Variants in NELL2 observed in about 807,000 individuals in gnomAD.
The protein encoded by NELL2 is neural EGFL like 2.
NELL2 carries 41 observed loss-of-function variants against 109.6 expected under a neutral mutation model. The observed-to-expected ratio is 0.37, with a 90% CI of 0.29 to 0.49. The LOEUF is 0.49. Ranked by LOEUF, NELL2 falls within the 20% of genes least tolerant of loss-of-function variation. NELL2 has a pLI of 0.98. For synonymous variants in NELL2, 355 were observed against 344.7 expected, an observed-to-expected ratio of 1.03 and a Z score of -0.33; for missense variants, 900 against 1,008.3, an observed-to-expected ratio of 0.89 and a Z score of 1.45.
At chr12:44,837,705 A>G (rs1214412106) in intron 2 of NELL2, among the ~76,000 whole-genome samples, 1 of 151,890 alleles carries the variant, frequency 6.6e-6, no homozygotes, top group Admixed American at 6.6e-5. Context: ...TTTTTTCTTA[A>G]GTTGATTCAT....
chr12:44,804,069 G>A (rs1942920822), intron 3 of NELL2, among the ~76,000 whole-genome samples: 4 of 151,828 alleles, frequency 2.6e-5, no homozygotes, highest in Non-Finnish European at 1.5e-5. Context: ...GTGCTGCTCA[G>A]ACTATTTCTA....
rs1592696109 is a variant in NELL2, at chr12:44,876,180, C to T, written c.-311G>A. ...GCGCGGCTCCGTCGGGGAATTAGCT[C>T]CCGAGCCGAATAAAAGCAGCCAAAG... On this transcript the variant is annotated 5_prime_UTR_variant, in exon 1 of 20. Coordinates refer to ENST00000429094, the MANE Select transcript of NELL2 (RefSeq NM_001145108.2). 2 of 1,245,694 alleles carry T rather than the reference C, an allele frequency of 1.6e-6. No homozygotes were observed. Among genetic ancestry groups the T allele is most frequent in the East Asian group, 7.3e-5 (2 of 27,276 alleles). The allele number at this position is 1,245,694 out of a possible 1,614,324, so 77.2% of individuals were successfully genotyped here.
chr12:44,590,434 C>T (rs886763565), intron 15 of NELL2, among the ~76,000 whole-genome samples: 1 of 152,062 alleles, frequency 6.6e-6, no homozygotes, highest in East Asian at 1.9e-4. Flanking sequence ...GAGATCTAGT[C>T]CATACAGGTT....
intron 15 of NELL2, among the ~76,000 whole-genome samples, chr12:44,584,099 C>T (rs1944417479): frequency 6.6e-6 from 1 of 152,120 alleles, no homozygotes. Context: ...TTAAGAATGC[C>T]TTTGTCATCT....
chr12:44,716,014 G>A lies in NELL2; in HGVS notation c.995-1273C>T, dbSNP rs1033636768. On this transcript the variant is annotated intron_variant, in intron 9 of 19. Transcript: ENST00000429094. ...AGGGTCTTGCTGTGTTGCCCACGAT[G>A]GTCTCAAACTCCTGTCCTTAAGTGG... Among the ~76,000 whole-genome samples the A allele has an allele frequency of 3.3e-5, 5 of 151,680 alleles. No individual in the cohort carries two copies. In the East Asian group the frequency reaches 9.7e-4, roughly 29 times the overall value.
Position 44,774,863 on chromosome 12 carries a change from A to C in NELL2, c.892-14T>G. 6.4e-7 allele frequency: 1 copy of C among 1,571,072 alleles called. No homozygotes were observed. The highest frequency in any genetic ancestry group is 1.4e-5 in the African/African-American group (1 of 73,658). On this transcript the variant is annotated splice_polypyrimidine_tract_variant and intron_variant, in intron 8 of 19. Coordinates refer to ENST00000429094, the MANE Select transcript of NELL2 (RefSeq NM_001145108.2). ...GATGGTTCCATTCTGAAAAGGAAAC[A>C]ATATTTAAAGAATTTCCATGTTAGA...
intron 15 of NELL2, among the ~76,000 whole-genome samples, chr12:44,554,545 G>A (rs1943166276): frequency 2.0e-5 from 3 of 152,132 alleles, no homozygotes; most frequent in African/African-American, 4.8e-5. Flanking sequence ...TGATGATTCC[G>A]TGGATGTATA....
intron 1 of NELL2, among the ~76,000 whole-genome samples, chr12:44,900,164 G>GAGACT (rs1174441091): frequency 6.6e-6 from 1 of 152,102 alleles, no homozygotes; most frequent in Non-Finnish European, 1.5e-5. Context: ...ATAATAGTGG[G>GAGACT]AGACTGTAAC....
intron 3 of NELL2, among the ~76,000 whole-genome samples, chr12:44,782,378 A>T (rs972556286): frequency 2.0e-5 from 3 of 152,008 alleles, no homozygotes; most frequent in African/African-American, 7.2e-5. Context: ...AATAAAAAAT[A>T]AAGTGGCAGA....
chr12:44,652,376 T>C (rs1947331451), intron 13 of NELL2, among the ~76,000 whole-genome samples: 1 of 152,206 alleles, frequency 6.6e-6, no homozygotes, highest in Non-Finnish European at 1.5e-5. Context: ...GATTTTGTGT[T>C]TGTGTGTTTG....
At chr12:44,729,805 CT>C (rs1939277028) in intron 9 of NELL2, among the ~76,000 whole-genome samples, 1 of 150,892 alleles carries the variant, frequency 6.6e-6, no homozygotes, top group South Asian at 2.1e-4. Flanking sequence ...TTTATTTATT[CT>C]GTTTTGAGAT....
At chr12:44,547,605 T>C (rs1942851634) in intron 15 of NELL2, among the ~76,000 whole-genome samples, 1 of 152,230 alleles carries the variant, frequency 6.6e-6, no homozygotes, top group South Asian at 2.1e-4. Flanking sequence ...TTTTTTAATT[T>C]AAAAAGATTT....
intron 3 of NELL2, among the ~76,000 whole-genome samples, chr12:44,786,672 T>C (rs986875813): frequency 3.9e-5 from 6 of 152,182 alleles, no homozygotes. Context: ...GTGGCATATA[T>C]ACACCACGGA....
chr12:44,517,401 CTCTCTCT>C (rs1280867223), intron 19 of NELL2, among the ~76,000 whole-genome samples: 1 of 151,302 alleles, frequency 6.6e-6, no homozygotes, highest in Admixed American at 6.6e-5. Context: ...CTCTCTCTCT[CTCTCTCT>C]CTCTCTCTCT....
intron 19 of NELL2, 45 bp downstream of exon 19, chr12:44,519,960 G>T: frequency 6.5e-7 from 1 of 1,533,788 alleles, no homozygotes; most frequent in Non-Finnish European, 9.0e-7. Context: ...TGAGCCCTGG[G>T]TGCAGCTGGC....
chr12:44,892,877 G>A (rs1272315213), intron 1 of NELL2, among the ~76,000 whole-genome samples: 1 of 148,766 alleles, frequency 6.7e-6, no homozygotes, highest in East Asian at 2.0e-4. Flanking sequence ...GAGCACAATT[G>A]AGCTTTGCAT....
At chr12:44,743,673 T>C (rs1269278715) in intron 9 of NELL2, among the ~76,000 whole-genome samples, 1 of 152,128 alleles carries the variant, frequency 6.6e-6, no homozygotes, top group African/African-American at 2.4e-5. Flanking sequence ...AAACAGACTT[T>C]AAACCAACAA....
At chr12:44,586,919 G>T (rs1192218214) in intron 15 of NELL2, among the ~76,000 whole-genome samples, 1 of 152,112 alleles carries the variant, frequency 6.6e-6, no homozygotes, top group Non-Finnish European at 1.5e-5. Flanking sequence ...GACCTCACAT[G>T]CAATACAAAT....
intron 12 of NELL2, among the ~76,000 whole-genome samples, chr12:44,687,469 T>C (rs1487984298): frequency 1.3e-5 from 2 of 152,214 alleles, no homozygotes; most frequent in African/African-American, 2.4e-5. Context: ...AGCTAAAAGG[T>C]TTTCCTGTCA....
Sources: allele counts gnomAD v4.1 joint callset (sites outside exome capture counted in the v4.1 genomes callset), GRCh38; gene constraint gnomAD v4.1.1; transcripts MANE v1.5; gene names NCBI Gene and HGNC (gene_info 2026-07-23, HGNC 2026-07-21).